RASAL2: variants seen among roughly 807,000 people sequenced by gnomAD.
RASAL2 encodes ras GTPase-activating protein nGAP.
In RASAL2, 58 loss-of-function variants were observed where a neutral mutation model predicts 128.9. That is an observed-to-expected ratio of 0.45 (90% confidence interval 0.36 to 0.56). RASAL2 has a LOEUF of 0.56. Ranked by LOEUF, RASAL2 falls within the 20% of genes least tolerant of loss-of-function variation. The pLI, the probability that RASAL2 is intolerant of heterozygous loss-of-function variation, is 0.00. For synonymous variants in RASAL2, 561 were observed against 580.8 expected (o/e 0.97, Z 0.49); for missense variants, 1,360 against 1,601.6 (o/e 0.85, Z 2.57).
At chr1:178,396,156 A>T (rs1673213857) in intron 4 of RASAL2, among the ~76,000 whole-genome samples, 2 of 152,120 alleles carry the variant, frequency 1.3e-5, no homozygotes, top group Admixed American at 6.6e-5. Context: ...TGAAAGAATT[A>T]AAGAATGAGG....
intron 17 of RASAL2, chr1:178,470,567 A>C (rs1411468813): frequency 3.1e-6 from 2 of 637,158 alleles, no homozygotes; most frequent in Non-Finnish European, 5.1e-6. Context: ...ATGAGGAGAC[A>C]CTGTGGCTCC....
At chr1:178,319,583 T>C (rs6425469) in intron 3 of RASAL2, among the ~76,000 whole-genome samples, 25,179 of 133,740 alleles carry the variant, frequency 0.19, 4,257 homozygotes, top group African/African-American at 0.47. Flanking sequence ...CAGTTGATCG[T>C]ATCGGCTCCT....
At chr1:178,277,863 A>T (rs1666598686) in intron 1 of RASAL2, among the ~76,000 whole-genome samples, 2 of 152,210 alleles carry the variant, frequency 1.3e-5, no homozygotes, top group South Asian at 4.1e-4. Flanking sequence ...AACTGGGAAG[A>T]TTCTCTCTGT....
At chr1:178,112,554 A>T (rs1444587402) in intron 1 of RASAL2, among the ~76,000 whole-genome samples, 2 of 151,986 alleles carry the variant, frequency 1.3e-5, no homozygotes, top group Non-Finnish European at 1.5e-5. Context: ...CATCTCAAAA[A>T]AAAGGAAAAA....
chr1:178,145,817 A>C (rs886961626), intron 1 of RASAL2, among the ~76,000 whole-genome samples: 27 of 152,182 alleles, frequency 1.8e-4, no homozygotes, highest in African/African-American at 6.5e-4. Context: ...GAAGTGGATC[A>C]ATGACTCCAC....
intron 3 of RASAL2, among the ~76,000 whole-genome samples, chr1:178,368,558 A>G (rs1217791708): frequency 6.6e-6 from 1 of 152,284 alleles, no homozygotes; most frequent in Non-Finnish European, 1.5e-5. Flanking sequence ...TACTACACAT[A>G]AGACGACATG....
intron 1 of RASAL2, among the ~76,000 whole-genome samples, chr1:178,127,037 C>T (rs569028570): frequency 6.6e-6 from 1 of 152,240 alleles, no homozygotes; most frequent in Admixed American, 6.5e-5. Flanking sequence ...AATTCTTTGT[C>T]CTTCATTTTG....
At position 178,336,960 on chromosome 1, in the gene RASAL2, A is replaced by AT. The variant is rs199882115; in HGVS notation, c.457+36849dup. ...CATTTAGATTTTGCTTATTATTATT[A>AT]TTTTTTTGAACTGTGGTCTTGTTCA... On this transcript the variant is annotated intron_variant, in intron 3 of 17. Transcript: ENST00000367649. Among the ~76,000 whole-genome samples the AT allele has an allele frequency of 1.7e-3, 265 of 151,990 alleles. 5 individuals carry two copies. The East Asian group carries it at 0.021, about 12-fold the overall frequency.
In RASAL2 at chr1:178,427,044, C is replaced by T. The variant is rs944104401; in HGVS notation, c.674+6424C>T. Among the ~76,000 whole-genome samples, 24 of 152,134 alleles carry T rather than the reference C, an allele frequency of 1.6e-4. No individual in the cohort carries two copies. In the South Asian group the frequency reaches 3.5e-3, roughly 22 times the overall value. On this transcript the variant is annotated intron_variant, in intron 5 of 17. Coordinates refer to ENST00000367649, the MANE Select transcript of RASAL2 (RefSeq NM_170692.4). The stretch of plus-strand genomic sequence containing the variant: ...AGAGGCAGAGACAAGATAGGAGGAA[C>T]GTTTTAGAGGCAAAATCAATAGGAT...
chr1:178,295,122 G>T (rs564470171), intron 2 of RASAL2, among the ~76,000 whole-genome samples: 101 of 152,096 alleles, frequency 6.6e-4, no homozygotes, highest in Admixed American at 1.7e-3. Flanking sequence ...ACTTAGTACT[G>T]GTAGCCAAGG....
At chr1:178,399,839 G>T (rs1033732374) in intron 4 of RASAL2, among the ~76,000 whole-genome samples, 2 of 152,048 alleles carry the variant, frequency 1.3e-5, no homozygotes, top group Non-Finnish European at 2.9e-5. Flanking sequence ...ACTCACTCCC[G>T]GCCTCCAATT....
intron 11 of RASAL2, 101 bp from the exon 12 acceptor site, chr1:178,454,346 C>G (rs1677612657): frequency 1.1e-6 from 1 of 945,278 alleles, no homozygotes; most frequent in Non-Finnish European, 1.6e-6. Flanking sequence ...GTCATTCCCT[C>G]CACAAAATAA....
intron 4 of RASAL2, among the ~76,000 whole-genome samples, chr1:178,402,273 C>T (rs1384407927): frequency 6.6e-6 from 1 of 151,946 alleles, no homozygotes; most frequent in Non-Finnish European, 1.5e-5. Flanking sequence ...AAAAATTAGC[C>T]AGGTGTGGTG....
chr1:178,431,396 A>AT (rs989914935), intron 5 of RASAL2, among the ~76,000 whole-genome samples: 1 of 152,040 alleles, frequency 6.6e-6, no homozygotes, highest in Non-Finnish European at 1.5e-5. Context: ...ATGAAATACC[A>AT]TTTTTTACCA....
In RASAL2 at chr1:178,474,156, C is replaced by T. The variant is rs147767014; in HGVS notation, c.*917C>T. ...GCTGTCATCACCAACAGGGTTTACT[C>T]TCCCCTGGAGAGGTTATTTAAATAG... On this transcript the variant is annotated 3_prime_UTR_variant, in exon 18 of 18. Transcript: ENST00000367649. 7 of 152,784 alleles carry T rather than the reference C, an allele frequency of 4.6e-5. No homozygotes were observed. The highest frequency in any genetic ancestry group is 1.4e-4 in the African/African-American group (6 of 41,584). The allele number at this position is 152,784 out of a possible 1,614,324, so 9.5% of individuals were successfully genotyped here. A position where few individuals can be genotyped will look rare whatever the true frequency, so the allele number is the denominator to read the frequency against.
chr1:178,197,594 G>A (rs1284929929), intron 1 of RASAL2, among the ~76,000 whole-genome samples: 3 of 144,336 alleles, frequency 2.1e-5, no homozygotes, highest in Non-Finnish European at 4.5e-5. Context: ...GGGCAACAGA[G>A]CTAGACTCCA....
intron 1 of RASAL2, among the ~76,000 whole-genome samples, chr1:178,112,544 C>T (rs1659367061): frequency 6.6e-6 from 1 of 150,906 alleles, no homozygotes; most frequent in African/African-American, 2.4e-5. Flanking sequence ...AGCGAGACTC[C>T]ATCTCAAAAA....
At chr1:178,119,486 C>G (rs1194970877) in intron 1 of RASAL2, among the ~76,000 whole-genome samples, 4 of 152,194 alleles carry the variant, frequency 2.6e-5, no homozygotes, top group African/African-American at 9.7e-5. Context: ...ATGGATGATA[C>G]ACTGCATAGA....
In RASAL2 at chr1:178,339,836, C is replaced by G. The variant is rs1427175279; in HGVS notation, c.457+39718C>G. Among the ~76,000 whole-genome samples the G allele has an allele frequency of 2.6e-5, 4 of 151,960 alleles. No individual in the cohort carries two copies. The South Asian group carries it at 8.3e-4, about 31-fold the overall frequency. ...GTATAAAAATGCTGTGTTTGTAAGTCAAAAAATAGTCAAATATCAGCAATG... is the reference window on the plus strand; with the variant it reads ...GTATAAAAATGCTGTGTTTGTAAGTGAAAAAATAGTCAAATATCAGCAATG... On this transcript the variant is annotated intron_variant, in intron 3 of 17. Coordinates refer to ENST00000367649, the MANE Select transcript of RASAL2 (RefSeq NM_170692.4).
Sources: allele counts gnomAD v4.1 joint callset (sites outside exome capture counted in the v4.1 genomes callset), GRCh38; gene constraint gnomAD v4.1.1; transcripts MANE v1.5; gene names NCBI Gene and HGNC (gene_info 2026-07-23, HGNC 2026-07-21).